SLIT3: variants seen among roughly 807,000 people sequenced by gnomAD.
SLIT3 encodes slit guidance ligand 3.
SLIT3 carries 68 observed loss-of-function variants against 184.0 expected under a neutral mutation model. That is an observed-to-expected ratio of 0.37 (90% CI 0.30 to 0.45). The LOEUF is 0.45. SLIT3 is among the 20% of genes least tolerant of loss of function. The pLI is 1.00. For synonymous variants in SLIT3, 831 were observed against 828.6 expected, an observed-to-expected ratio of 1.00 and a Z score of -0.05; for missense variants, 1,707 against 2,026.0, an observed-to-expected ratio of 0.84 and a Z score of 3.02.
intron 4 of SLIT3, among the ~76,000 whole-genome samples, chr5:168,989,138 C>G (rs1239025470): frequency 1.3e-5 from 2 of 152,176 alleles, no homozygotes; most frequent in Admixed American, 6.5e-5. Flanking sequence ...AAGAATGCCT[C>G]TTTTGCAAAG....
At chr5:168,825,217 T>C (rs911633642) in intron 6 of SLIT3, among the ~76,000 whole-genome samples, 1 of 152,162 alleles carries the variant, frequency 6.6e-6, no homozygotes. Flanking sequence ...TGGCCTATTA[T>C]ATTCCCCTCT....
Position 168,859,350 on chromosome 5 carries a change from G to A in SLIT3, c.486-14695C>T, listed in dbSNP as rs188178005. ...AAGATGATGTAAATCCAGGGTTCAC[G>A]ATGGTTATGAAGCTATTTAGAATTG... On this transcript the variant is annotated intron_variant, in intron 5 of 35. Coordinates refer to ENST00000519560, the MANE Select transcript of SLIT3 (RefSeq NM_003062.4). 7.9e-5 allele frequency among the ~76,000 whole-genome samples: 12 copies of A among 152,248 alleles called. No homozygotes were observed. In the East Asian group the frequency reaches 1.7e-3, roughly 22 times the overall value.
chr5:168,910,481 C>T (rs974617795), intron 4 of SLIT3, among the ~76,000 whole-genome samples: 5 of 152,128 alleles, frequency 3.3e-5, no homozygotes, highest in Non-Finnish European at 5.9e-5. Flanking sequence ...TGGTGGCTCA[C>T]GCCTGTAATC....
At chr5:169,100,582 T>A (rs1327230432) in intron 4 of SLIT3, among the ~76,000 whole-genome samples, 2 of 152,140 alleles carry the variant, frequency 1.3e-5, no homozygotes, top group Non-Finnish European at 2.9e-5. Flanking sequence ...TAATGCTAAG[T>A]CATTCCTTCA....
intron 35 of SLIT3, among the ~76,000 whole-genome samples, chr5:168,668,895 C>A (rs1166191886): frequency 1.3e-5 from 2 of 152,258 alleles, no homozygotes; most frequent in Non-Finnish European, 2.9e-5. Flanking sequence ...TCGCCTCCAG[C>A]ATAGCTGGGA....
At chr5:169,080,505 T>G (rs977283489) in intron 4 of SLIT3, among the ~76,000 whole-genome samples, 1 of 152,130 alleles carries the variant, frequency 6.6e-6, no homozygotes, top group Non-Finnish European at 1.5e-5. Context: ...GCAGGGGATT[T>G]GATCCCAGGG....
intron 14 of SLIT3, among the ~76,000 whole-genome samples, chr5:168,767,892 A>T (rs937686074): frequency 6.0e-5 from 9 of 151,132 alleles, no homozygotes; most frequent in African/African-American, 2.2e-4. Flanking sequence ...CCTAGTTATT[A>T]CTCCTTGTCT....
chr5:169,288,307 A>G (rs1323860267), intron 1 of SLIT3, among the ~76,000 whole-genome samples: 2 of 152,152 alleles, frequency 1.3e-5, no homozygotes, highest in Non-Finnish European at 2.9e-5. Context: ...GGCATACTTG[A>G]ATGCTTTCTC....
At chr5:169,085,982 T>C (rs1251685519) in intron 4 of SLIT3, among the ~76,000 whole-genome samples, 1 of 152,140 alleles carries the variant, frequency 6.6e-6, no homozygotes, top group African/African-American at 2.4e-5. Context: ...CTTTACTCCA[T>C]GAGGGCTCCC....
intron 4 of SLIT3, among the ~76,000 whole-genome samples, chr5:168,951,204 A>G (rs1026344408): frequency 2.0e-5 from 3 of 152,246 alleles, no homozygotes; most frequent in Non-Finnish European, 4.4e-5. Flanking sequence ...TGGGCGACAG[A>G]GCAAGACTGT....
At chr5:168,913,021 T>TC (rs1761303762) in intron 4 of SLIT3, among the ~76,000 whole-genome samples, 1 of 152,194 alleles carries the variant, frequency 6.6e-6, no homozygotes, top group Admixed American at 6.5e-5. Context: ...GAAGTCCCCA[T>TC]CAGCCTTGAA....
chr5:168,980,472 G>A (rs1754910786), intron 4 of SLIT3, among the ~76,000 whole-genome samples: 1 of 152,172 alleles, frequency 6.6e-6, no homozygotes, highest in African/African-American at 2.4e-5. Context: ...GAGGCTCAGA[G>A]AATATCAGTT....
chr5:168,722,341 G>C lies in SLIT3; in HGVS notation c.2412-14C>G. ...TAGCTCAGGATCCTGTGGAAAAGGA[G>C]GCATGTGCCCTGTTGTGTCTTTCTA... is the stretch of plus-strand genomic sequence containing the variant. On this transcript the variant is annotated splice_polypyrimidine_tract_variant and intron_variant, in intron 22 of 35. Coordinates refer to ENST00000519560, the MANE Select transcript of SLIT3 (RefSeq NM_003062.4). 1 of 1,613,424 alleles carries C rather than the reference G, an allele frequency of 6.2e-7. No homozygotes were observed. Among genetic ancestry groups the C allele is most frequent in the Middle Eastern group, 1.6e-4 (1 of 6,062 alleles).
chr5:168,693,879 A>G (rs554783115), intron 28 of SLIT3, among the ~76,000 whole-genome samples: 1 of 152,272 alleles, frequency 6.6e-6, no homozygotes, highest in South Asian at 2.1e-4. Flanking sequence ...AGAAGGCACT[A>G]TGTTCCTGAG....
intron 3 of SLIT3, among the ~76,000 whole-genome samples, chr5:169,238,827 T>C (rs986324142): frequency 2.6e-5 from 4 of 152,206 alleles, no homozygotes; most frequent in African/African-American, 7.2e-5. Flanking sequence ...TCAGTCATTA[T>C]TACATCATGG....
intron 4 of SLIT3, chr5:169,012,474 C>A (rs1299647510): frequency 6.6e-6 from 1 of 152,214 alleles, no homozygotes; most frequent in African/African-American, 2.4e-5. Flanking sequence ...CTTCTTCCGC[C>A]CCAGGTCTGG....
intron 5 of SLIT3, among the ~76,000 whole-genome samples, chr5:168,865,921 T>C (rs1464749657): frequency 6.6e-6 from 1 of 152,198 alleles, no homozygotes; most frequent in Admixed American, 6.5e-5. Context: ...ACTAATAATA[T>C]ATTGGTTAGA....
At chr5:168,786,040 T>G in intron 11 of SLIT3, 62 bp from the exon 12 acceptor site, 1 of 1,182,540 alleles carries the variant, frequency 8.5e-7, no homozygotes, top group Non-Finnish European at 1.3e-6. Context: ...AACCCAGTCC[T>G]GCAGGAAGCC....
At chr5:168,763,124 G>A (rs1015598726) in intron 14 of SLIT3, among the ~76,000 whole-genome samples, 2 of 152,120 alleles carry the variant, frequency 1.3e-5, no homozygotes, top group Non-Finnish European at 2.9e-5. Context: ...CAAATGACAA[G>A]ATTTTGATGA....
Sources: allele counts gnomAD v4.1 joint callset (sites outside exome capture counted in the v4.1 genomes callset), GRCh38; gene constraint gnomAD v4.1.1; transcripts MANE v1.5; gene names NCBI Gene and HGNC (gene_info 2026-07-23, HGNC 2026-07-21).